The following RECQL4 variants were observed in gnomAD, a reference collection of about 807,000 sequenced individuals.
RECQL4 encodes the protein ATP-dependent DNA helicase Q4.
In RECQL4, 158 loss-of-function variants were observed where a neutral mutation model predicts 128.6. The observed-to-expected ratio is 1.23, with a 90% CI of 1.08 to 1.40. The LOEUF is 1.40. Ranked by LOEUF, RECQL4 falls within the 40% of genes most tolerant of loss-of-function variation. RECQL4 has a pLI of 0.00. For synonymous variants in RECQL4, 996 were observed against 678.9 expected, an observed-to-expected ratio of 1.47 and a Z score of -7.26; for missense variants, 2,293 against 1,649.8, an observed-to-expected ratio of 1.39 and a Z score of -6.75.
At chr8:144,516,972 G>A in intron 4 of RECQL4, 78 bp downstream of exon 4, 1 of 1,540,440 alleles carries the variant, frequency 6.5e-7, no homozygotes. Context: ...TGTCTGTGTG[G>A]AAAAAATGAC....
rs2130673134 is a variant in RECQL4, at chr8:144,513,083, AGGAAGTCCGTGCT to A, written c.2506_2518del (p.Ser836TrpfsTer3). The A allele has an allele frequency of 6.3e-7, 1 of 1,577,402 alleles. No individual in the cohort carries two copies. The highest frequency in any genetic ancestry group is 8.6e-7 in the Non-Finnish European group (1 of 1,159,770). On this transcript the variant is annotated frameshift_variant, in exon 15 of 21. Coordinates refer to ENST00000617875, the MANE Select transcript of RECQL4 (RefSeq NM_004260.4). LOFTEE classifies it high-confidence loss of function. ...GCGCTGTACCAGCCTCTTCACAGCC[AGGAAGTCCGTGCT>A]GTCGGCGTGCACATGTCTGCGCAGC...
Position 144,516,263 on chromosome 8 carries a change from A to G in RECQL4, c.856T>C (p.Ser286Pro). The change falls in exon 5 of 21, where the codon TCG (serine) becomes CCG (proline). Residue 286 changes from serine (S) to proline (P), a missense_variant. Ser to Pro is a moderately conservative substitution (Grantham distance 74). Transcript: ENST00000617875. ...ACTGCTACAGCCCCAGCCCCCTCCG[A>G]TGGGGGTCCAGCTTGGCTGCTCTCC... ...QQESSQAGPPSEGAGAVAVEE... is the reference protein window; with the variant it reads ...QQESSQAGPPPEGAGAVAVEE... 1 of 1,612,150 alleles carries G rather than the reference A, an allele frequency of 6.2e-7. No homozygotes were observed. Among genetic ancestry groups the G allele is most frequent in the Non-Finnish European group, 8.5e-7 (1 of 1,179,522 alleles).
At position 144,516,379 on chromosome 8, in the gene RECQL4, A is replaced by G. The variant is rs752673956; in HGVS notation, c.740T>C (p.Ile247Thr). 6.2e-6 allele frequency: 10 copies of G among 1,610,232 alleles called. No individual in the cohort carries two copies. Among genetic ancestry groups the G allele is most frequent in the Admixed American group, 1.7e-5 (1 of 59,968 alleles). Reference protein sequence around the residue: ...PEASAFQEVSIRVGSPQPSSS... With the variant: ...PEASAFQEVSTRVGSPQPSSS... ...GCTGGGCTGGGGGCTCCCCACACGG[A>G]TGCTGACTTCTTGGAAGGCTGAAGC... is the stretch of plus-strand genomic sequence containing the variant. Residue 247 changes from isoleucine to threonine, a missense_variant, in exon 5 of 21, where the codon ATC becomes ACC. Transcript: ENST00000617875.
Position 144,514,946 on chromosome 8 carries a change from ATGAG to A in RECQL4, c.1606_1609del (p.Leu536TrpfsTer21). 6.2e-7 allele frequency: 1 copy of A among 1,611,524 alleles called. No homozygotes were observed. Among genetic ancestry groups the A allele is most frequent in the South Asian group, 1.1e-5 (1 of 90,942 alleles). On this transcript the variant is annotated frameshift_variant, in exon 9 of 21. Coordinates refer to ENST00000617875, the MANE Select transcript of RECQL4 (RefSeq NM_004260.4). LOFTEE classifies it high-confidence loss of function. The stretch of plus-strand genomic sequence containing the variant: ...GCCCTGTGTGCACACCTGGTCATCC[ATGAG>A]TGACAGCAGGGGAGAGACGACCAAC...
intron 4 of RECQL4, 30 bp from the exon 5 acceptor site, chr8:144,516,794 G>C (rs750207118): frequency 1.3e-6 from 2 of 1,512,208 alleles, no homozygotes; most frequent in South Asian, 1.4e-5. Context: ...ACAGCAGGAG[G>C]AACTCAGGCC....
In RECQL4 at chr8:144,513,006, C is replaced by A; in HGVS notation, c.2596G>T (p.Gly866Trp). 4.5e-6 allele frequency: 7 copies of A among 1,570,642 alleles called. No homozygotes were observed. Among genetic ancestry groups the A allele is most frequent in the Non-Finnish European group, 5.2e-6 (6 of 1,158,604 alleles). ...ACAGGCCTCTCCCCACCCACGGCCC[C>A]TTCCTGCTCCGAGGGCGGCCTGGTG... ...TCTRPPSEQE[G>W]AVGGERPVPK... is the part of the protein sequence containing the mutation. Residue 866 changes from glycine (G) to tryptophan (W), a missense_variant, in exon 15 of 21, where the codon GGG (glycine) becomes TGG (tryptophan). Transcript: ENST00000617875.
In RECQL4 at chr8:144,517,497, C is replaced by G; in HGVS notation, c.130G>C (p.Glu44Gln). ...GTGGTACGCTTCAGAGTGCGGTATT[C>G]CCGGTAGAGCGCTGCGTGGGCGAGC... ...APEETRALYR[E>Q]YRTLKRTTGQ... is the part of the protein sequence containing the mutation. The change falls in exon 3 of 21, where the codon GAA (glutamate) becomes CAA (glutamine). Residue 44 changes from glutamate (E) to glutamine (Q), a missense_variant. By Grantham distance (29) the Glu-to-Gln change is conservative. Transcript: ENST00000617875. The G allele has an allele frequency of 1.3e-6, 2 of 1,593,200 alleles. No individual in the cohort carries two copies. Among genetic ancestry groups the G allele is most frequent in the Non-Finnish European group, 1.7e-6 (2 of 1,175,014 alleles).
Position 144,515,362 on chromosome 8 carries a change from G to A in RECQL4, c.1354C>T (p.Pro452Ser), listed in dbSNP as rs1198908673. The A allele has an allele frequency of 6.2e-7, 1 of 1,612,782 alleles. No homozygotes were observed. Among genetic ancestry groups the A allele is most frequent in the Non-Finnish European group, 8.5e-7 (1 of 1,179,844 alleles). The change falls in exon 7 of 21, where the codon CCA becomes TCA. Residue 452 changes from proline to serine, a missense_variant. By Grantham distance (74) the Pro-to-Ser change is moderately conservative. Coordinates refer to ENST00000617875, the MANE Select transcript of RECQL4 (RefSeq NM_004260.4). ...CCTGAGGGCCCCAGGGAGTAGAGTG[G>A]CAGCACGGTGGGGTCCAGGCTGGGC... ...EVPSLDPTVL[P>S]LYSLGPSGQL...
Position 144,516,410 on chromosome 8 carries a change from G to A in RECQL4, c.709C>T (p.Pro237Ser), listed in dbSNP as rs370391716. ...VLGPGAGSQG[P>S]EASAFQEVSI... Reference sequence around the variant, plus strand: ...ACTTCTTGGAAGGCTGAAGCCTCTGGGCCCTGGGAGCCAGCACCAGGACCA... The same window carrying A: ...ACTTCTTGGAAGGCTGAAGCCTCTGAGCCCTGGGAGCCAGCACCAGGACCA... Residue 237 changes from proline (P) to serine (S), a missense_variant, in exon 5 of 21, where the codon CCA becomes TCA. Physicochemically the swap from Pro to Ser is moderately conservative, Grantham distance 74 (BLOSUM62 -1). Coordinates refer to ENST00000617875, the MANE Select transcript of RECQL4 (RefSeq NM_004260.4). 3.7e-6 allele frequency: 6 copies of A among 1,609,464 alleles called. No individual in the cohort carries two copies. The highest frequency in any genetic ancestry group is 2.2e-5 in the South Asian group (2 of 90,976).
chr8:144,514,100 C>A lies in RECQL4; in HGVS notation c.1886G>T (p.Arg629Leu). The A allele has an allele frequency of 6.2e-7, 1 of 1,604,776 alleles. No homozygotes were observed. The change falls in exon 12 of 21, where the codon CGG becomes CTG. Residue 629 changes from arginine (R) to leucine (L), a missense_variant. Transcript: ENST00000617875. The part of the protein sequence containing the change: ...PCYLRVCKVL[R>L]ERMGVHCFLG... ...GAAGCAGTGCACGCCCATGCGCTCCCGAAGCACCTGCACCAGAGGCGGCAG... is the reference window on the plus strand; with the variant it reads ...GAAGCAGTGCACGCCCATGCGCTCCAGAAGCACCTGCACCAGAGGCGGCAG...
chr8:144,516,543 C>G lies in RECQL4; in HGVS notation c.576G>C (p.Gln192His). The G allele has an allele frequency of 6.2e-7, 1 of 1,610,116 alleles. No homozygotes were observed. The highest frequency in any genetic ancestry group is 8.5e-7 in the Non-Finnish European group (1 of 1,179,160). The part of the protein sequence containing the change: ...RLGSLDPGWL[Q>H]RCHSEVPDFL... ...AATCTGGGACCTCACTGTGACATCG[C>G]TGTAACCAGCCAGGATCTAGGGAGC... Residue 192 changes from glutamine (Q) to histidine (H), a missense_variant, in exon 5 of 21, where the codon CAG (glutamine) becomes CAC (histidine). Coordinates refer to ENST00000617875, the MANE Select transcript of RECQL4 (RefSeq NM_004260.4).
chr8:144,513,617 C>G lies in RECQL4; in HGVS notation c.2154G>C (p.Ala718=), dbSNP rs745813211. Residue 718 remains alanine (A), a synonymous_variant, in exon 13 of 21, where the codon GCG becomes GCC. Coordinates refer to ENST00000617875, the MANE Select transcript of RECQL4 (RefSeq NM_004260.4). ...NRREDTERIA[A]LLRTCLHAAW... is the part of the protein sequence containing the mutation. ...CTGCGTGCAGGCAGGTTCGGAGGAG[C>G]GCAGCGATCCGCTCTGTGTCCTCGC... is the stretch of plus-strand genomic sequence containing the variant. 28 of 1,602,242 alleles carry G rather than the reference C, an allele frequency of 1.7e-5. No homozygotes were observed. Among genetic ancestry groups the G allele is most frequent in the Non-Finnish European group, 2.2e-5 (26 of 1,175,096 alleles).
chr8:144,514,926 G>A lies in RECQL4; in HGVS notation c.1620+10C>T, dbSNP rs749833015. On this transcript the variant is annotated intron_variant, in intron 9 of 20. Coordinates refer to ENST00000617875, the MANE Select transcript of RECQL4 (RefSeq NM_004260.4). ...GCTGTGTACGTGTGCCCAGGGCCCT[G>A]TGTGCACACCTGGTCATCCATGAGT... 4 of 1,610,602 alleles carry A rather than the reference G, an allele frequency of 2.5e-6. No individual in the cohort carries two copies. Among genetic ancestry groups the A allele is most frequent in the Middle Eastern group, 1.9e-4 (1 of 5,402 alleles).
Position 144,514,287 on chromosome 8 carries a change from C to A in RECQL4, c.1780G>T (p.Ala594Ser), listed in dbSNP as rs376364416. 2 of 1,611,386 alleles carry A rather than the reference C, an allele frequency of 1.2e-6. No homozygotes were observed. The highest frequency in any genetic ancestry group is 8.5e-7 in the Non-Finnish European group (1 of 1,179,442). ...GCAAAAGCAACTGGAGGCAGCTGTGCGGCTGGAGGGAGGCCTCCCGCCCCC... is the reference window on the plus strand; with the variant it reads ...GCAAAAGCAACTGGAGGCAGCTGTGAGGCTGGAGGGAGGCCTCCCGCCCCC... ...LVGAGGLPPAAQLPPVAFACI... is the reference protein window; with the variant it reads ...LVGAGGLPPASQLPPVAFACI... Residue 594 changes from alanine to serine, a missense_variant, in exon 11 of 21, where the codon GCA (alanine) becomes TCA (serine). Ala to Ser is a moderately conservative substitution (Grantham distance 99). Transcript: ENST00000617875.
chr8:144,514,635 A>C, intron 9 of RECQL4, 110 bp from the exon 10 acceptor site: 5 of 1,194,198 alleles, frequency 4.2e-6, no homozygotes, highest in Non-Finnish European at 5.8e-6. Flanking sequence ...GGAGAGGAGA[A>C]CCAGGTCCTG....
In RECQL4 at chr8:144,513,440, G is replaced by T; in HGVS notation, c.2241C>A (p.Gly747=). The T allele has an allele frequency of 6.2e-7, 1 of 1,609,694 alleles. No individual in the cohort carries two copies. The highest frequency in any genetic ancestry group is 8.5e-7 in the Non-Finnish European group (1 of 1,179,792). The part of the protein sequence containing the change: ...PKTTAEAYHA[G]MCSRERRRVQ... ...CCCGCCGCCGTTCCCGGCTGCACAT[G>T]CCCGCGTGGTAGGCCTCGGCTGTGG... Residue 747 remains glycine (G), a synonymous_variant, in exon 14 of 21, where the codon GGC becomes GGA. Coordinates refer to ENST00000617875, the MANE Select transcript of RECQL4 (RefSeq NM_004260.4).
chr8:144,513,129 G>C lies in RECQL4; in HGVS notation c.2473C>G (p.Leu825Val), dbSNP rs371519199. The change falls in exon 15 of 21, where the codon CTG becomes GTG. Residue 825 changes from leucine (L) to valine (V), a missense_variant. Transcript: ENST00000617875. Reference sequence around the variant, plus strand: ...TGCACATGTCTGCGCAGCTCTCGCAGGTCTTCGCCCTGCAGGGCAACTTTC... The same window carrying C: ...TGCACATGTCTGCGCAGCTCTCGCACGTCTTCGCCCTGCAGGGCAACTTTC... ...HLFLQPQGED[L>V]RELRRHVHAD... The C allele has an allele frequency of 5.6e-5, 86 of 1,522,538 alleles. No homozygotes were observed. The African/African-American group carries it at 9.0e-4, about 16-fold the overall frequency. The allele number at this position is 1,522,538 out of a possible 1,614,324, so 94.3% of individuals were successfully genotyped here.
In RECQL4 at chr8:144,514,567, C is replaced by A; in HGVS notation, c.1621-42G>T. 4 of 1,576,694 alleles carry A rather than the reference C, an allele frequency of 2.5e-6. No homozygotes were observed. The South Asian group carries it at 3.4e-5, about 14-fold the overall frequency. On this transcript the variant is annotated intron_variant, in intron 9 of 20. Transcript: ENST00000617875. ...GACAGCCGTCATACGCCAGCCCAGC[C>A]CTGGCCCTTCCCCAAGTCATCCCAG...
chr8:144,517,294 C>G, intron 3 of RECQL4, 104 bp from the exon 4 acceptor site: 1 of 1,498,862 alleles, frequency 6.7e-7, no homozygotes, highest in Non-Finnish European at 8.9e-7. Flanking sequence ...CCCTTCTTCA[C>G]TTTGCCCAGT....
Sources: allele counts gnomAD v4.1 joint callset, GRCh38; gene constraint gnomAD v4.1.1; transcripts MANE v1.5; gene names NCBI Gene and HGNC (gene_info 2026-07-23, HGNC 2026-07-21).